The following NCEH1 variants were observed in gnomAD, a reference collection of about 807,000 sequenced individuals.
The protein encoded by NCEH1 is 2-acetyl MAGE hydrolase.
NCEH1 carries 9 observed loss-of-function variants against 25.4 expected under a neutral mutation model. The ratio of observed to expected loss-of-function variants is 0.35; its 90% CI spans 0.21 to 0.62. The LOEUF is 0.62. NCEH1 is among the 20% of genes least tolerant of loss of function. NCEH1 has a pLI of 0.72. For missense variants in NCEH1, 412 were observed against 501.1 expected (o/e 0.82, Z 1.70); for synonymous variants, 200 against 199.8 (o/e 1.00, Z -0.01).
chr3:172,660,221 C>A (rs949359849), intron 1 of NCEH1, among the ~76,000 whole-genome samples: 1 of 150,718 alleles, frequency 6.6e-6, no homozygotes, highest in African/African-American at 2.4e-5. Flanking sequence ...TGAGAACATG[C>A]AGTGTTTGGT....
chr3:172,638,276 C>CA (rs57018096), intron 3 of NCEH1, among the ~76,000 whole-genome samples: 2 of 22,602 alleles, frequency 8.8e-5, no homozygotes, highest in Non-Finnish European at 9.7e-5. Flanking sequence ...AGACTCTGTC[C>CA]AAAAAAAAAA....
At chr3:172,659,607 C>T (rs1717873338) in intron 1 of NCEH1, among the ~76,000 whole-genome samples, 1 of 152,170 alleles carries the variant, frequency 6.6e-6, no homozygotes, top group Admixed American at 6.5e-5. Flanking sequence ...TCATCCGTTG[C>T]TCAGCCAGGG....
chr3:172,654,754 C>T (rs1310308570), intron 1 of NCEH1, among the ~76,000 whole-genome samples: 1 of 152,200 alleles, frequency 6.6e-6, no homozygotes, highest in Non-Finnish European at 1.5e-5. Flanking sequence ...CTACCTGATT[C>T]GTTCTTCACA....
At chr3:172,686,441 G>A (rs1473399446) in intron 1 of NCEH1, among the ~76,000 whole-genome samples, 1 of 152,252 alleles carries the variant, frequency 6.6e-6, no homozygotes, top group Non-Finnish European at 1.5e-5. Flanking sequence ...CACATAGTGT[G>A]TATTTCTGTG....
At position 172,637,556 on chromosome 3, in the gene NCEH1, C is replaced by G. The variant is rs576618291; in HGVS notation, c.438-1469G>C. Among the ~76,000 whole-genome samples the G allele has an allele frequency of 3.3e-5, 5 of 151,658 alleles. No homozygotes were observed. The East Asian group carries it at 9.8e-4, about 30-fold the overall frequency. On this transcript the variant is annotated intron_variant, in intron 3 of 4. Coordinates refer to ENST00000475381, the MANE Select transcript of NCEH1 (RefSeq NM_020792.6). The stretch of plus-strand genomic sequence containing the variant: ...TCACTTGAGATCAGGAATTCAAGAC[C>G]AGCCTGGCCAACATGGTGAAACCCC...
chr3:172,633,757 C>T lies in NCEH1; in HGVS notation c.945G>A (p.Glu315=). ...AGCGGGCATCCAGCAACTGAGGAAGCTCCTGGACAATCCTGGCATTGCCTG... is the reference window on the plus strand; with the variant it reads ...AGCGGGCATCCAGCAACTGAGGAAGTTCCTGGACAATCCTGGCATTGCCTG... The part of the protein sequence containing the change: ...QTTGNARIVQ[E]LPQLLDARSA... The change falls in exon 5 of 5, where the codon GAG becomes GAA. Residue 315 remains glutamate (E), a synonymous_variant. Transcript: ENST00000475381. The T allele has an allele frequency of 6.2e-7, 1 of 1,614,222 alleles. No individual in the cohort carries two copies. Among genetic ancestry groups the T allele is most frequent in the Non-Finnish European group, 8.5e-7 (1 of 1,180,036 alleles).
intron 1 of NCEH1, among the ~76,000 whole-genome samples, chr3:172,665,243 C>T (rs751925706): frequency 6.6e-6 from 1 of 152,140 alleles, no homozygotes; most frequent in Admixed American, 6.5e-5. Context: ...TGTTGGAGTT[C>T]GCTGGAGGTC....
At chr3:172,636,222 G>T (rs1716592735) in intron 3 of NCEH1, 135 bp from the exon 4 acceptor site, 1 of 496,658 alleles carries the variant, frequency 2.0e-6, no homozygotes, top group South Asian at 4.8e-5. Context: ...GTATGAAAAA[G>T]AAAAAATAAT....
At chr3:172,653,695 G>A (rs562935252) in intron 1 of NCEH1, among the ~76,000 whole-genome samples, 2 of 151,342 alleles carry the variant, frequency 1.3e-5, no homozygotes, top group South Asian at 4.2e-4. Flanking sequence ...TAAGGTGCAA[G>A]TATTGGAAAG....
At chr3:172,647,139 T>C (rs1577057497) in intron 2 of NCEH1, among the ~76,000 whole-genome samples, 1 of 151,764 alleles carries the variant, frequency 6.6e-6, no homozygotes, top group Non-Finnish European at 1.5e-5. Flanking sequence ...AATGATAAAA[T>C]AAAAAAAACA....
chr3:172,669,905 T>A (rs986001112), intron 1 of NCEH1, among the ~76,000 whole-genome samples: 3 of 152,208 alleles, frequency 2.0e-5, no homozygotes, highest in African/African-American at 7.2e-5. Flanking sequence ...ATAATATTAG[T>A]TGATAGTCCA....
chr3:172,666,856 C>T (rs1198388400), intron 1 of NCEH1, among the ~76,000 whole-genome samples: 1 of 152,168 alleles, frequency 6.6e-6, no homozygotes, highest in Non-Finnish European at 1.5e-5. Flanking sequence ...TCCTGTTAGG[C>T]AAGATCAGGA....
intron 1 of NCEH1, among the ~76,000 whole-genome samples, chr3:172,664,937 C>T (rs1217183489): frequency 1.3e-5 from 2 of 152,046 alleles, no homozygotes; most frequent in African/African-American, 2.4e-5. Flanking sequence ...TTGTCATTAC[C>T]GATTTTCTGA....
intron 1 of NCEH1, among the ~76,000 whole-genome samples, chr3:172,705,345 C>T (rs1270522349): frequency 6.6e-6 from 1 of 152,142 alleles, no homozygotes; most frequent in Non-Finnish European, 1.5e-5. Context: ...AATGTGTGTT[C>T]TGAGTTAAGG....
intron 1 of NCEH1, among the ~76,000 whole-genome samples, chr3:172,658,839 A>ATTTTTTT (rs1560189003): frequency 7.9e-6 from 1 of 127,000 alleles, no homozygotes; most frequent in African/African-American, 3.0e-5. Flanking sequence ...CAATTCCAAA[A>ATTTTTTT]CTTTTTTTTT....
chr3:172,660,770 TCTTA>T (rs1405290729), intron 1 of NCEH1, among the ~76,000 whole-genome samples: 1 of 152,254 alleles, frequency 6.6e-6, no homozygotes, highest in Admixed American at 6.5e-5. Flanking sequence ...TGCATAAATG[TCTTA>T]CTGTGAGAAG....
chr3:172,706,598 A>C (rs1714009027), intron 1 of NCEH1, among the ~76,000 whole-genome samples: 1 of 149,710 alleles, frequency 6.7e-6, no homozygotes, highest in African/African-American at 2.5e-5. Flanking sequence ...TCCCTGGTTC[A>C]AGCGATTCTT....
chr3:172,674,357 C>T (rs1237220034), intron 1 of NCEH1, among the ~76,000 whole-genome samples: 8 of 150,332 alleles, frequency 5.3e-5, no homozygotes, highest in African/African-American at 1.7e-4. Context: ...GCAGAAGAAT[C>T]GCTTGAACCC....
intron 1 of NCEH1, among the ~76,000 whole-genome samples, chr3:172,700,584 T>C (rs954532316): frequency 8.5e-5 from 13 of 152,318 alleles, no homozygotes; most frequent in African/African-American, 3.1e-4. Flanking sequence ...GGTGTGATCA[T>C]ACAGCCTTCA....
Sources: gnomAD v4.1 joint callset for allele counts (sites outside exome capture counted in the v4.1 genomes callset) on GRCh38, gnomAD v4.1.1 for gene constraint, MANE v1.5 for transcripts, NCBI Gene and HGNC (gene_info 2026-07-23, HGNC 2026-07-21) for gene names.